Variants in OBP2B observed in about 807,000 individuals in gnomAD.
OBP2B encodes the protein odorant binding protein 2B.
Under a neutral mutation model 21.7 loss-of-function variants are expected in OBP2B, and 10 were observed. The observed-to-expected ratio is 0.46, with a 90% confidence interval of 0.28 to 0.78. The LOEUF (loss-of-function observed/expected upper bound fraction) is 0.78. Among genes scored for constraint, OBP2B ranks in the 30% least tolerant of loss-of-function variants. The probability of loss-of-function intolerance (pLI) is 0.11; values close to 1 mark genes in which losing one functional copy is unlikely to be tolerated. For synonymous variants in OBP2B, 73 were observed against 91.5 expected (o/e 0.80, Z 1.16); for missense variants, 153 against 217.7 (o/e 0.70, Z 1.87).
rs1482141981 is a variant in OBP2B, at chr9:133,206,423, G to A, written c.389-7C>T. On this transcript the variant is annotated splice_region_variant and splice_polypyrimidine_tract_variant and intron_variant, in intron 4 of 6. Transcript: ENST00000372034. Reference sequence around the variant, plus strand: ...TTGGTATCAGAATTCCTACCTGCAGGTGAGGTGGCCAGGTGAGCCGACGTG... The same window carrying A: ...TTGGTATCAGAATTCCTACCTGCAGATGAGGTGGCCAGGTGAGCCGACGTG... 1.2e-6 allele frequency: 2 copies of A among 1,613,696 alleles called. No homozygotes were observed. The highest frequency in any genetic ancestry group is 1.1e-5 in the South Asian group (1 of 91,066).
At chr9:133,207,133 T>TC (rs1833748333) in intron 4 of OBP2B, 93 bp downstream of exon 4, 17 of 893,062 alleles carry the variant, frequency 1.9e-5, no homozygotes, top group Non-Finnish European at 2.8e-5. Flanking sequence ...GGCTTCCTTT[T>TC]CCCCCATGCC....
At chr9:133,206,282 G>GGGACACAGGGGACT in intron 5 of OBP2B, 33 bp downstream of exon 5, 1 of 1,591,844 alleles carries the variant, frequency 6.3e-7, no homozygotes, top group Non-Finnish European at 8.6e-7. Flanking sequence ...ACACAGCAGA[G>GGGACACAGGGGACT]GGACACAGGG....
chr9:133,208,500 C>G lies in OBP2B; in HGVS notation c.175G>C (p.Gly59Arg), dbSNP rs141491368. Residue 59 changes from glycine to arginine, a missense_variant, in exon 2 of 7, where the codon GGT becomes CGT. Physicochemically the swap from Gly to Arg is moderately radical, Grantham distance 125. Transcript: ENST00000372034. ...VSPVKVTALGGGKLEATFTFM... is the reference protein window; with the variant it reads ...VSPVKVTALGRGKLEATFTFM... The stretch of plus-strand genomic sequence containing the variant: ...GTGAACGTGGCTTCCAACTTCCCAC[C>G]GCCCAGGGCTGTCACCTTCACTGGG... 1 of 1,613,842 alleles carries G rather than the reference C, an allele frequency of 6.2e-7. No homozygotes were observed. The highest frequency in any genetic ancestry group is 2.2e-5 in the East Asian group (1 of 44,878).
In OBP2B at chr9:133,206,395, C is replaced by G; in HGVS notation, c.410G>C (p.Arg137Pro). ...TTTCTTAAATTCTTCCAGGGCCTCC[C>G]GGTTGGTATCAGAATTCCTACCTGC... ...KLVGRNSDTN[R>P]EALEEFKKLV... is the part of the protein sequence containing the mutation. Residue 137 changes from arginine (R) to proline (P), a missense_variant, in exon 5 of 7, where the codon CGG (arginine) becomes CCG (proline). Arg to Pro is a moderately radical substitution (Grantham distance 103). Coordinates refer to ENST00000372034, the MANE Select transcript of OBP2B (RefSeq NM_014581.4). The G allele has an allele frequency of 6.2e-7, 1 of 1,613,794 alleles. No homozygotes were observed. The highest frequency in any genetic ancestry group is 1.3e-5 in the African/African-American group (1 of 74,926).
chr9:133,218,555 G>T, the OBP2B span, among the ~76,000 whole-genome samples: 1 of 152,344 alleles, frequency 6.6e-6, no homozygotes, highest in Admixed American at 6.5e-5. Flanking sequence ...GAGAACAGGG[G>T]ATGGACCTAA....
At chr9:133,220,162 G>A in the OBP2B span, among the ~76,000 whole-genome samples, 25 of 152,184 alleles carry the variant, frequency 1.6e-4, no homozygotes, top group Non-Finnish European at 1.6e-4. Context: ...GTAAGATGAT[G>A]AAGATCTCCT....
At chr9:133,214,215 T>C (rs1385343971), upstream of OBP2B, among the ~76,000 whole-genome samples, 2 of 152,224 alleles carry the variant, frequency 1.3e-5, no homozygotes, top group African/African-American at 4.8e-5. Flanking sequence ...CTCCTTAACT[T>C]GACAAAGAGC....
At chr9:133,215,527 C>CT in the OBP2B span, among the ~76,000 whole-genome samples, 1 of 151,446 alleles carries the variant, frequency 6.6e-6, no homozygotes. Flanking sequence ...CTTCTTCTTT[C>CT]TTTTTTTTAG....
upstream of OBP2B, chr9:133,209,349 C>T: frequency 3.9e-6 from 3 of 769,138 alleles, no homozygotes; most frequent in Admixed American, 4.6e-5. This position sits in a 1 kb window ranked among gnomAD's most constrained non-coding sequence, Gnocchi z 6.0. Context: ...GGCAACCAGT[C>T]CTGCATCCGG....
At chr9:133,216,370 G>A in the OBP2B span, among the ~76,000 whole-genome samples, 846 of 151,354 alleles carry the variant, frequency 5.6e-3, 8 homozygotes, top group African/African-American at 0.02. Context: ...TAAAAGCCAT[G>A]ATATATCAGT....
In OBP2B at chr9:133,206,399, T is replaced by C. The variant is rs1413729789; in HGVS notation, c.406A>G (p.Asn136Asp). 3.7e-6 allele frequency: 6 copies of C among 1,613,826 alleles called. No homozygotes were observed. The highest frequency in any genetic ancestry group is 5.1e-6 in the Non-Finnish European group (6 of 1,179,902). ...GKLVGRNSDT[N>D]REALEEFKKL... is the part of the protein sequence containing the mutation. ...TTAAATTCTTCCAGGGCCTCCCGGT[T>C]GGTATCAGAATTCCTACCTGCAGGT... The change falls in exon 5 of 7, where the codon AAC (asparagine) becomes GAC (aspartate). Residue 136 changes from asparagine (N) to aspartate (D), a missense_variant. Physicochemically the swap from Asn to Asp is conservative, Grantham distance 23. This residue lies in a region of OBP2B where 151 missense variants were observed against 186.3 expected (regional missense o/e 0.81). Coordinates refer to ENST00000372034, the MANE Select transcript of OBP2B (RefSeq NM_014581.4).
intron 6 of OBP2B, 74 bp downstream of exon 6, chr9:133,205,843 G>A: frequency 6.2e-7 from 1 of 1,609,418 alleles, no homozygotes; most frequent in Non-Finnish European, 8.5e-7. Context: ...GGAGGGGCCA[G>A]AGCAGATGTA....
intron 6 of OBP2B, 73 bp downstream of exon 6, chr9:133,205,844 A>G: frequency 1.2e-6 from 2 of 1,609,624 alleles, no homozygotes; most frequent in Non-Finnish European, 1.7e-6. Flanking sequence ...GAGGGGCCAG[A>G]GCAGATGTAC....
At chr9:133,216,058 T>C in the OBP2B span, among the ~76,000 whole-genome samples, 1 of 152,184 alleles carries the variant, frequency 6.6e-6, no homozygotes, top group Non-Finnish European at 1.5e-5. Context: ...ACCAAAAATA[T>C]GATCCATAAA....
At chr9:133,211,188 G>C (rs1256411204), upstream of OBP2B, among the ~76,000 whole-genome samples, 1 of 152,158 alleles carries the variant, frequency 6.6e-6, no homozygotes, top group Non-Finnish European at 1.5e-5. Context: ...GTGCTGGCTG[G>C]GACTGAGGCA....
the OBP2B span, among the ~76,000 whole-genome samples, chr9:133,217,255 G>T: frequency 6.6e-6 from 1 of 152,320 alleles, no homozygotes; most frequent in South Asian, 2.1e-4. Flanking sequence ...TATTCTAGGT[G>T]CAGGGGACTT....
chr9:133,212,557 C>T (rs2119409543), upstream of OBP2B, among the ~76,000 whole-genome samples: 1 of 152,346 alleles, frequency 6.6e-6, no homozygotes. Context: ...TTGGAAACAA[C>T]ACACCTGTGA....
At chr9:133,222,567 A>C in the OBP2B span, among the ~76,000 whole-genome samples, 3 of 152,088 alleles carry the variant, frequency 2.0e-5, no homozygotes, top group Non-Finnish European at 4.4e-5. Flanking sequence ...GTCTTTACTA[A>C]AAGTACAAAA....
rs185278554 is a variant in OBP2B at position 133,205,469 on chromosome 9, G to C, written c.*2-58C>G. The C allele has an allele frequency of 3.5e-4, 365 of 1,030,276 alleles. 2 individuals are homozygous for C. The East Asian group carries it at 6.9e-3, about 19-fold the overall frequency. The allele number at this position is 1,030,276 out of a possible 1,614,324, so 63.8% of individuals were successfully genotyped here. A position where few individuals can be genotyped will look rare whatever the true frequency, so the allele number is the denominator to read the frequency against. On this transcript the variant is annotated intron_variant, in intron 6 of 6. Transcript: ENST00000372034. ...GCTGCAGGGTAGGGCAGAGGCCAGG[G>C]CCAGAGCTCCCTCCCCAGGCTCTGC...
Sources: allele counts gnomAD v4.1 joint callset (sites outside exome capture counted in the v4.1 genomes callset), GRCh38; gene constraint gnomAD v4.1.1; regional missense constraint gnomAD v4.1.1; non-coding constraint Gnocchi (gnomAD v3.1); transcripts MANE v1.5; gene names NCBI Gene and HGNC (gene_info 2026-07-23, HGNC 2026-07-21).